The following THSD7A variants were observed in gnomAD, a reference collection of about 807,000 sequenced individuals.
The protein encoded by THSD7A is thrombospondin type 1 domain containing 7A, also known as thrombospondin type-1 domain-containing protein 7A.
Under a neutral mutation model 231.3 loss-of-function variants are expected in THSD7A, and 96 were observed. That is an observed-to-expected ratio of 0.41 (90% CI 0.35 to 0.49). THSD7A has a LOEUF of 0.49. THSD7A is among the 20% of genes least tolerant of loss of function. The pLI is 0.05. For synonymous variants in THSD7A, 940 were observed against 743.3 expected (o/e 1.26, Z -4.30); for missense variants, 2,290 against 2,070.2 (o/e 1.11, Z -2.06).
At chr7:11,724,251 T>C (rs1781468732) in intron 1 of THSD7A, among the ~76,000 whole-genome samples, 2 of 151,962 alleles carry the variant, frequency 1.3e-5, no homozygotes, top group Admixed American at 6.6e-5. Context: ...AGATTGAATA[T>C]AGTTCTGGAG....
At chr7:11,422,925 A>G (rs2115411063) in intron 16 of THSD7A, among the ~76,000 whole-genome samples, 1 of 152,214 alleles carries the variant, frequency 6.6e-6, no homozygotes, top group Admixed American at 6.5e-5. Context: ...TGCTGGGATT[A>G]CAGGTATGAA....
chr7:11,501,297 A>T (rs1223324483), intron 6 of THSD7A, among the ~76,000 whole-genome samples: 1 of 152,230 alleles, frequency 6.6e-6, no homozygotes, highest in African/African-American at 2.4e-5. Flanking sequence ...GACTATACAG[A>T]AATCTCCACC....
At chr7:11,467,099 AG>A (rs1785740060) in intron 9 of THSD7A, among the ~76,000 whole-genome samples, 1 of 152,050 alleles carries the variant, frequency 6.6e-6, no homozygotes, top group African/African-American at 2.4e-5. Flanking sequence ...CTTCTGGGAA[AG>A]TTTCCTTCAC....
At chr7:11,424,549 T>C in intron 16 of THSD7A, 147 bp downstream of exon 16, 2 of 1,095,500 alleles carry the variant, frequency 1.8e-6, no homozygotes, top group East Asian at 2.4e-5. Flanking sequence ...TCTCTTAGAG[T>C]TTTCTATGAG....
At chr7:11,821,672 T>C (rs1489502424) in intron 1 of THSD7A, among the ~76,000 whole-genome samples, 1 of 152,134 alleles carries the variant, frequency 6.6e-6, no homozygotes, top group East Asian at 1.9e-4. Context: ...TGTGACTCCT[T>C]CTATGTGGAC....
intron 13 of THSD7A, among the ~76,000 whole-genome samples, chr7:11,445,829 C>T (rs561052044): frequency 6.6e-6 from 1 of 152,106 alleles, no homozygotes; most frequent in South Asian, 2.1e-4. Flanking sequence ...ATTTGGGCCC[C>T]ATCAGGCTTC....
In THSD7A at chr7:11,444,809, A is replaced by ATAAACTATATATATAAT. The variant is rs1030579476; in HGVS notation, c.3064+1235_3064+1251dup. On this transcript the variant is annotated intron_variant, in intron 13 of 27. Coordinates refer to ENST00000423059, the MANE Select transcript of THSD7A (RefSeq NM_015204.3). This position sits in a 1 kb window ranked among gnomAD's most constrained non-coding sequence, Gnocchi z 4.2. ...TGTGTGTGTGTGTGTGTGTGTGTGT[A>ATAAACTATATATATAAT]TAAACTATATATATAATTAAACTAT... Among the ~76,000 whole-genome samples the ATAAACTATATATATAAT allele has an allele frequency of 7.8e-5, 11 of 140,178 alleles. No individual in the cohort carries two copies. Among genetic ancestry groups the ATAAACTATATATATAAT allele is most frequent in the African/African-American group, 1.7e-4 (6 of 36,172 alleles). 92.0% of individuals were successfully genotyped at this position (140,178 alleles called of 152,430 possible). A position where few individuals can be genotyped will look rare whatever the true frequency, so the allele number is the denominator to read the frequency against.
In THSD7A at chr7:11,508,605, A is replaced by G. The variant is rs187717285; in HGVS notation, c.1823-26623T>C. Among the ~76,000 whole-genome samples, 311 of 152,378 alleles carry G rather than the reference A, an allele frequency of 2.0e-3. 2 individuals are homozygous for G. The highest frequency in any genetic ancestry group is 2.7e-3 in the Admixed American group (41 of 15,310). On this transcript the variant is annotated intron_variant, in intron 6 of 27. Transcript: ENST00000423059. ...AACCCCATTTCTGGGTAATTATCCCAAAAAGCAGAAATCAGGATGTCAAAG... is the reference window on the plus strand; with the variant it reads ...AACCCCATTTCTGGGTAATTATCCCGAAAAGCAGAAATCAGGATGTCAAAG...
At chr7:11,526,724 A>C (rs1788490422) in intron 6 of THSD7A, among the ~76,000 whole-genome samples, 1 of 152,166 alleles carries the variant, frequency 6.6e-6, no homozygotes, top group African/African-American at 2.4e-5. Flanking sequence ...TCCTGCTGCC[A>C]TGTAAGACAT....
rs932296502 is a variant in THSD7A at position 11,831,988 on chromosome 7, C to T, written c.-42G>A. On this transcript the variant is annotated 5_prime_UTR_variant, in exon 1 of 28. Coordinates refer to ENST00000423059, the MANE Select transcript of THSD7A (RefSeq NM_015204.3). The surrounding 1 kb of genome is among the most constrained non-coding windows in gnomAD (Gnocchi z 5.0). Reference sequence around the variant, plus strand: ...CCAGGGTCCAGAGCCGTAGCACGCTCGGCAGGGAATTTTTCTCCGCTCTTG... The same window carrying T: ...CCAGGGTCCAGAGCCGTAGCACGCTTGGCAGGGAATTTTTCTCCGCTCTTG... 1.5e-5 allele frequency: 18 copies of T among 1,208,614 alleles called. No individual in the cohort carries two copies. Among genetic ancestry groups the T allele is most frequent in the Non-Finnish European group, 1.6e-5 (16 of 970,622 alleles). The allele number at this position is 1,208,614 out of a possible 1,614,324, so 74.9% of individuals were successfully genotyped here.
chr7:11,599,386 G>A (rs977748499), intron 2 of THSD7A, among the ~76,000 whole-genome samples: 1 of 152,150 alleles, frequency 6.6e-6, no homozygotes, highest in African/African-American at 2.4e-5. Flanking sequence ...TACCAGCTAC[G>A]ACCACGTGGC....
chr7:11,793,053 A>G (rs1377067318), intron 1 of THSD7A, among the ~76,000 whole-genome samples: 1 of 152,006 alleles, frequency 6.6e-6, no homozygotes, highest in African/African-American at 2.4e-5. Flanking sequence ...AGAAAAAGTT[A>G]TATAAAACTG....
chr7:11,502,094 C>T (rs1268688846), intron 6 of THSD7A, among the ~76,000 whole-genome samples: 1 of 152,056 alleles, frequency 6.6e-6, no homozygotes, highest in Non-Finnish European at 1.5e-5. Context: ...AAATTGATTC[C>T]TTGAAAAGAC....
Position 11,474,301 on chromosome 7 carries a change from C to G in THSD7A, c.2252+33G>C. 6.4e-7 allele frequency: 1 copy of G among 1,564,604 alleles called. No individual in the cohort carries two copies. The highest frequency in any genetic ancestry group is 8.7e-7 in the Non-Finnish European group (1 of 1,147,290). ...AGCCAATCCTCTGCACAGGTGGCTA[C>G]ACGATTTACTGTTGTCATTCTAAAG... is the stretch of plus-strand genomic sequence containing the variant. On this transcript the variant is annotated intron_variant, in intron 8 of 27. Transcript: ENST00000423059. This position sits in a 1 kb window ranked among gnomAD's most constrained non-coding sequence, Gnocchi z 4.1.
At chr7:11,825,653 C>A (rs577731941) in intron 1 of THSD7A, among the ~76,000 whole-genome samples, 2 of 152,076 alleles carry the variant, frequency 1.3e-5, no homozygotes, top group Non-Finnish European at 2.9e-5. Flanking sequence ...ACATGCATTA[C>A]CACATTTAAA....
In THSD7A at chr7:11,411,329, A is replaced by C; in HGVS notation, c.3683-7T>G. 1 of 1,599,342 alleles carries C rather than the reference A, an allele frequency of 6.3e-7. No individual in the cohort carries two copies. The highest frequency in any genetic ancestry group is 8.6e-7 in the Non-Finnish European group (1 of 1,167,630). On this transcript the variant is annotated splice_polypyrimidine_tract_variant and splice_region_variant and intron_variant, in intron 18 of 27. Coordinates refer to ENST00000423059, the MANE Select transcript of THSD7A (RefSeq NM_015204.3). The surrounding 1 kb of genome is among the most constrained non-coding windows in gnomAD (Gnocchi z 4.1). ...AGCTGACATGTACTCCAGTCTGAAA[A>C]AAAGGGAAGCCCATCAGAACAGAAG... is the stretch of plus-strand genomic sequence containing the variant.
At chr7:11,790,961 C>A (rs1221796679) in intron 1 of THSD7A, among the ~76,000 whole-genome samples, 1 of 151,810 alleles carries the variant, frequency 6.6e-6, no homozygotes, top group Non-Finnish European at 1.5e-5. Flanking sequence ...TTATAGAGAT[C>A]CCTCTATATT....
At chr7:11,658,551 A>T (rs1408007854) in intron 1 of THSD7A, among the ~76,000 whole-genome samples, 2 of 151,610 alleles carry the variant, frequency 1.3e-5, no homozygotes, top group Non-Finnish European at 3.0e-5. Flanking sequence ...CTATCCTCCT[A>T]AAGCATCCTG....
intron 17 of THSD7A, among the ~76,000 whole-genome samples, chr7:11,415,711 G>T (rs1388260026): frequency 6.6e-6 from 1 of 152,140 alleles, no homozygotes; most frequent in African/African-American, 2.4e-5. Flanking sequence ...CCCCATTTAA[G>T]GGAAAGTATA....
Sources: allele counts gnomAD v4.1 joint callset (sites outside exome capture counted in the v4.1 genomes callset), GRCh38; gene constraint gnomAD v4.1.1; non-coding constraint Gnocchi (gnomAD v3.1); transcripts MANE v1.5; gene names NCBI Gene and HGNC (gene_info 2026-07-23, HGNC 2026-07-21).